ATAD2: variants seen among roughly 807,000 people sequenced by gnomAD.
ATAD2 encodes the protein ATPase family AAA domain-containing protein 2.
A neutral mutation model predicts 168.9 loss-of-function variants in ATAD2; 62 were observed. That is an observed-to-expected ratio of 0.37 (90% CI 0.30 to 0.45). The LOEUF (loss-of-function observed/expected upper bound fraction) is 0.45. Among genes scored for constraint, ATAD2 ranks in the 20% least tolerant of loss-of-function variants. The pLI, the probability that ATAD2 is intolerant of heterozygous loss-of-function variation, is 1.00. For missense variants in ATAD2, 1,419 were observed against 1,667.8 expected (o/e 0.85, Z 2.60); for synonymous variants, 613 against 571.6 (o/e 1.07, Z -1.03).
chr8:123,359,155 A>T lies in ATAD2; in HGVS notation c.1382+66T>A, dbSNP rs111881276. ...TTAAAAATGGGTTAATAAGCAAGGTATAAGAACTACAAGAAGCAAGAATAG... is the reference window on the plus strand; with the variant it reads ...TTAAAAATGGGTTAATAAGCAAGGTTTAAGAACTACAAGAAGCAAGAATAG... On this transcript the variant is annotated intron_variant, in intron 11 of 27. Coordinates refer to ENST00000287394, the MANE Select transcript of ATAD2 (RefSeq NM_014109.4). 94 of 1,187,058 alleles carry T rather than the reference A, an allele frequency of 7.9e-5. 1 individual carries two copies. In the African/African-American group the frequency reaches 1.3e-3, roughly 16 times the overall value. The allele number at this position is 1,187,058 out of a possible 1,614,324, so 73.5% of individuals were successfully genotyped here. A position where few individuals can be genotyped will look rare whatever the true frequency, so the allele number is the denominator to read the frequency against.
intron 24 of ATAD2, among the ~76,000 whole-genome samples, chr8:123,331,052 G>A (rs930721493): frequency 2.6e-5 from 4 of 151,986 alleles, no homozygotes; most frequent in Admixed American, 2.6e-4. Flanking sequence ...GTCCCTTGAG[G>A]GCTGGGATTA....
intron 1 of ATAD2, among the ~76,000 whole-genome samples, chr8:123,395,770 C>G (rs896526220): frequency 9.2e-5 from 14 of 152,128 alleles, no homozygotes; most frequent in African/African-American, 2.7e-4. Flanking sequence ...CCCCTCCCCC[C>G]CAACGTTTAT....
intron 21 of ATAD2, among the ~76,000 whole-genome samples, chr8:123,336,829 G>A (rs574808948): frequency 1.3e-5 from 2 of 151,982 alleles, no homozygotes; most frequent in Admixed American, 1.3e-4. Context: ...AGCAACTTAA[G>A]ACGTGGCTCT....
chr8:123,357,644 G>A lies in ATAD2; in HGVS notation c.1475C>T (p.Ala492Val), dbSNP rs777082695. 6.2e-7 allele frequency: 1 copy of A among 1,614,044 alleles called. No homozygotes were observed. Among genetic ancestry groups the A allele is most frequent in the South Asian group, 1.1e-5 (1 of 91,078 alleles). The change falls in exon 12 of 28, where the codon GCA becomes GTA. Residue 492 changes from alanine to valine, a missense_variant. This residue lies in a region of ATAD2 where 146 missense variants were observed against 188.3 expected (regional missense o/e 0.78). Transcript: ENST00000287394. ...NECSQGDKRV[A>V]FFMRKGADCL... ...ATCAGCACCTTTCCTCATGAAAAAT[G>A]CTACTCTTTTATCCCCTTGACTGCA...
chr8:123,337,782 G>C lies in ATAD2; in HGVS notation c.2894C>G (p.Pro965Arg). ...ALEVLPVAPP[P>R]EPRSLTAEEV... ...TTCTGCTGTCAGTGATCTTGGCTCA[G>C]GTGGTGGTGCTACTGGGAGTACCTC... The change falls in exon 21 of 28, where the codon CCT (proline) becomes CGT (arginine). Residue 965 changes from proline to arginine, a missense_variant. Around this residue, in one of 5 missense-constraint regions of ATAD2, gnomAD observed 545 missense variants for 724.9 expected, o/e 0.75. Transcript: ENST00000287394. The C allele has an allele frequency of 1.2e-6, 2 of 1,611,908 alleles. No individual in the cohort carries two copies. Among genetic ancestry groups the C allele is most frequent in the Non-Finnish European group, 1.7e-6 (2 of 1,179,084 alleles).
chr8:123,389,976 ATATATATATT>A (rs373723707), intron 1 of ATAD2, among the ~76,000 whole-genome samples: 4,739 of 121,220 alleles, frequency 0.039, 306 homozygotes, highest in African/African-American at 0.15. Context: ...ATATATATAT[ATATATATATT>A]TTTTTTTTTT....
chr8:123,339,259 C>A, intron 20 of ATAD2, 52 bp downstream of exon 20: 1 of 1,397,992 alleles, frequency 7.2e-7, no homozygotes, highest in Non-Finnish European at 9.7e-7. Context: ...TTAACTATTT[C>A]ATTCCTACTT....
intron 8 of ATAD2, among the ~76,000 whole-genome samples, chr8:123,365,852 T>C (rs1334677826): frequency 6.6e-5 from 10 of 152,290 alleles, no homozygotes; most frequent in East Asian, 5.8e-4. Context: ...CTTCTAGACA[T>C]TGGCTTAGGC....
chr8:123,344,714 C>T lies in ATAD2; in HGVS notation c.2718+170G>A, dbSNP rs74448309. ...TATATACATACACATATACATATAC[C>T]ATCTTGCCCAATGAGCACATATACC... On this transcript the variant is annotated intron_variant, in intron 19 of 27. Coordinates refer to ENST00000287394, the MANE Select transcript of ATAD2 (RefSeq NM_014109.4). 1.2e-3 allele frequency: 818 copies of T among 692,972 alleles called. 5 individuals carry two copies. The African/African-American group carries it at 0.013, about 11-fold the overall frequency. 42.9% of individuals were successfully genotyped at this position (692,972 alleles called of 1,614,324 possible). A position where few individuals can be genotyped will look rare whatever the true frequency, so the allele number is the denominator to read the frequency against.
intron 13 of ATAD2, among the ~76,000 whole-genome samples, chr8:123,354,837 C>CAAAAA (rs71310668): frequency 1.8e-4 from 4 of 22,788 alleles, no homozygotes; most frequent in African/African-American, 1.2e-3. Context: ...GACTCTGTCT[C>CAAAAA]AAAAAAAAAA....
upstream of ATAD2, among the ~76,000 whole-genome samples, chr8:123,398,312 C>T (rs985154589): frequency 6.9e-6 from 1 of 145,542 alleles, no homozygotes; most frequent in East Asian, 2.0e-4. Context: ...CTAACTGCAA[C>T]CTCTGCCTCC....
chr8:123,367,230 A>G (rs1829006837), intron 8 of ATAD2, among the ~76,000 whole-genome samples: 1 of 152,074 alleles, frequency 6.6e-6, no homozygotes, highest in Admixed American at 6.6e-5. Flanking sequence ...CCTGGCCTAT[A>G]TGGTGAAAAC....
At chr8:123,382,260 T>C (rs1247180881) in intron 1 of ATAD2, among the ~76,000 whole-genome samples, 1 of 152,214 alleles carries the variant, frequency 6.6e-6, no homozygotes, top group African/African-American at 2.4e-5. Context: ...TTATTTTTGA[T>C]TTGAGCAAAA....
At chr8:123,403,094 TTTG>T (rs968488096) in intron 1 of ATAD2, among the ~76,000 whole-genome samples, 7 of 152,056 alleles carry the variant, frequency 4.6e-5, no homozygotes, top group Non-Finnish European at 7.4e-5. Context: ...AGAGAGGGGT[TTTG>T]TTGTTGTTTT....
chr8:123,361,711 A>T, intron 8 of ATAD2, 65 bp from the exon 9 acceptor site: 1 of 1,307,990 alleles, frequency 7.6e-7, no homozygotes, highest in South Asian at 1.3e-5. Context: ...GGCATAAGAA[A>T]AGCATCAGAA....
chr8:123,346,622 TCAA>T lies in ATAD2; in HGVS notation c.2338_2340del (p.Leu780del). On this transcript the variant is annotated inframe_deletion, in exon 17 of 28. Coordinates refer to ENST00000287394, the MANE Select transcript of ATAD2 (RefSeq NM_014109.4). ...TGATTTGCAAGAAAAATATACCTAT[TCAA>T]ATGAAGAAAATTAAAATTGTCTTTT... 6.4e-7 allele frequency: 1 copy of T among 1,556,398 alleles called. No homozygotes were observed. Among genetic ancestry groups the T allele is most frequent in the Non-Finnish European group, 8.7e-7 (1 of 1,151,866 alleles).
chr8:123,396,513 G>A (rs1179242299), upstream of ATAD2: 2 of 728,398 alleles, frequency 2.7e-6, no homozygotes, highest in Non-Finnish European at 4.3e-6. Flanking sequence ...CGTCTGTCCC[G>A]CCCACGCCAC....
chr8:123,321,126 T>C lies in ATAD2; in HGVS notation c.*8A>G, dbSNP rs2131265299. 5 of 1,608,404 alleles carry C rather than the reference T, an allele frequency of 3.1e-6. No individual in the cohort carries two copies. Among genetic ancestry groups the C allele is most frequent in the Non-Finnish European group, 4.2e-6 (5 of 1,178,286 alleles). ...TGAATATAAAGAATACTCGATACCA[T>C]GACATCATCATCTGGAACAACTGAA... On this transcript the variant is annotated 3_prime_UTR_variant, in exon 28 of 28. Coordinates refer to ENST00000287394, the MANE Select transcript of ATAD2 (RefSeq NM_014109.4).
At chr8:123,405,044 T>C (rs1404153077) in intron 1 of ATAD2, among the ~76,000 whole-genome samples, 1 of 152,160 alleles carries the variant, frequency 6.6e-6, no homozygotes, top group Non-Finnish European at 1.5e-5. Context: ...TGGCAAACTT[T>C]TTCTGTAAAT....
Sources: gnomAD v4.1 joint callset for allele counts (sites outside exome capture counted in the v4.1 genomes callset) on GRCh38, gnomAD v4.1.1 for gene constraint, gnomAD v4.1.1 regional missense constraint, MANE v1.5 for transcripts, NCBI Gene and HGNC (gene_info 2026-07-23, HGNC 2026-07-21) for gene names.